MED13L: variants seen among roughly 807,000 people sequenced by gnomAD.
MED13L encodes mediator of RNA polymerase II transcription subunit 13-like.
MED13L carries 7 observed loss-of-function variants against 220.9 expected under a neutral mutation model. That is an observed-to-expected ratio of 0.03 (90% confidence interval 0.02 to 0.06). The LOEUF is 0.06. Among genes scored for constraint, MED13L ranks in the 10% least tolerant of loss-of-function variants. The probability of loss-of-function intolerance (pLI) is 1.00; values close to 1 mark genes in which losing one functional copy is unlikely to be tolerated. For missense variants in MED13L, 1,965 were observed against 2,760.5 expected, an observed-to-expected ratio of 0.71 and a Z score of 6.46; for synonymous variants, 1,011 against 1,015.2, an observed-to-expected ratio of 1.00 and a Z score of 0.08.
intron 3 of MED13L, among the ~76,000 whole-genome samples, chr12:116,103,873 T>C (rs565993624): frequency 2.6e-5 from 4 of 152,308 alleles, no homozygotes; most frequent in African/African-American, 9.6e-5. Flanking sequence ...GCTCCTGTTA[T>C]CACATTATAC....
Position 116,077,226 on chromosome 12 carries a change from T to C in MED13L, c.479+19443A>G, listed in dbSNP as rs1870873766. On this transcript the variant is annotated intron_variant, in intron 4 of 30. Coordinates refer to ENST00000281928, the MANE Select transcript of MED13L (RefSeq NM_015335.5). ...CAAGATACTAATTATAACAATGTCTTACCTCTAATGGCTTTAAATGCTTAT... is the reference window on the plus strand; with the variant it reads ...CAAGATACTAATTATAACAATGTCTCACCTCTAATGGCTTTAAATGCTTAT... Among the ~76,000 whole-genome samples, 3 of 152,242 alleles carry C rather than the reference T, an allele frequency of 2.0e-5. No homozygotes were observed. In the South Asian group the frequency reaches 6.2e-4, roughly 31 times the overall value.
At chr12:116,085,378 C>G (rs942174761) in intron 4 of MED13L, among the ~76,000 whole-genome samples, 1 of 152,068 alleles carries the variant, frequency 6.6e-6, no homozygotes, top group Non-Finnish European at 1.5e-5. Flanking sequence ...TCAAAGATCT[C>G]AACCCAATTA....
chr12:116,210,383 C>A (rs1014575656), intron 2 of MED13L, among the ~76,000 whole-genome samples: 1 of 151,712 alleles, frequency 6.6e-6, no homozygotes, highest in Admixed American at 6.6e-5. Flanking sequence ...AAATGGTATG[C>A]ATAATATTGT....
chr12:116,258,494 C>T (rs1038723911), intron 1 of MED13L, among the ~76,000 whole-genome samples: 1 of 151,980 alleles, frequency 6.6e-6, no homozygotes, highest in Non-Finnish European at 1.5e-5. Context: ...AGAAAAAGAA[C>T]GGCCGGACAC....
chr12:116,100,103 T>C (rs866652294), intron 3 of MED13L, among the ~76,000 whole-genome samples: 2 of 152,134 alleles, frequency 1.3e-5, no homozygotes, highest in African/African-American at 4.8e-5. Flanking sequence ...GGGACAGAGA[T>C]GGGAGATACA....
chr12:116,024,773 C>CGGGGGGG (rs796599611), intron 4 of MED13L, among the ~76,000 whole-genome samples: 14 of 5,056 alleles, frequency 2.8e-3, no homozygotes, highest in Non-Finnish European at 4.0e-3. Flanking sequence ...TTTGGCGGGG[C>CGGGGGGG]GGGGGGGGGG....
At chr12:116,071,753 G>A (rs1421280248) in intron 4 of MED13L, among the ~76,000 whole-genome samples, 1 of 152,136 alleles carries the variant, frequency 6.6e-6, no homozygotes, top group Non-Finnish European at 1.5e-5. Context: ...ATATGTATAT[G>A]CACCGTAACT....
chr12:115,987,575 T>C (rs1369546627), intron 17 of MED13L, among the ~76,000 whole-genome samples: 1 of 152,224 alleles, frequency 6.6e-6, no homozygotes, highest in East Asian at 1.9e-4. Flanking sequence ...GGTGCGACTT[T>C]TTAAAACCAT....
At chr12:116,210,624 T>A (rs1469327528) in intron 2 of MED13L, among the ~76,000 whole-genome samples, 1 of 145,534 alleles carries the variant, frequency 6.9e-6, no homozygotes, top group African/African-American at 2.5e-5. Context: ...TCCAACCACA[T>A]GCCTTCGGGG....
Position 116,005,835 on chromosome 12 carries a change from G to A in MED13L, c.2469+34C>T, listed in dbSNP as rs368021400. On this transcript the variant is annotated intron_variant, in intron 13 of 30. Coordinates refer to ENST00000281928, the MANE Select transcript of MED13L (RefSeq NM_015335.5). The stretch of plus-strand genomic sequence containing the variant: ...CTGATATAAAGTCCTTTCATGTAGC[G>A]AAATTTTTGTTTATGTAGCTACGGC... 1,179 of 1,612,890 alleles carry A rather than the reference G, an allele frequency of 7.3e-4. 16 individuals are homozygous for A. In the South Asian group the frequency reaches 0.011, roughly 15 times the overall value.
At chr12:116,005,828 A>G (rs771873418) in intron 13 of MED13L, 41 bp downstream of exon 13, 4 of 1,612,168 alleles carry the variant, frequency 2.5e-6, no homozygotes, top group African/African-American at 1.3e-5. Flanking sequence ...AAGTCCTTTC[A>G]TGTAGCGAAA....
At position 116,103,999 on chromosome 12, in the gene MED13L, C is replaced by CTTTTTTTTTT. The variant is rs36066243; in HGVS notation, c.396-7257_396-7248dup. Among the ~76,000 whole-genome samples the CTTTTTTTTTT allele has an allele frequency of 4.3e-3, 247 of 57,458 alleles. 24 individuals are homozygous for CTTTTTTTTTT. Among genetic ancestry groups the CTTTTTTTTTT allele is most frequent in the Non-Finnish European group, 4.3e-3 (144 of 33,472 alleles). The allele number at this position is 57,458 out of a possible 152,430, so 37.7% of individuals were successfully genotyped here. A position where few individuals can be genotyped will look rare whatever the true frequency, so the allele number is the denominator to read the frequency against. On this transcript the variant is annotated intron_variant, in intron 3 of 30. Transcript: ENST00000281928. ...CACCACCACATCCAAGGACATTGCT[C>CTTTTTTTTTT]TTTTTTTTTTTTTTTTTTTTTTTTT...
intron 2 of MED13L, chr12:116,237,038 A>C (rs1870146268): frequency 4.5e-6 from 1 of 223,532 alleles, no homozygotes; most frequent in African/African-American, 2.3e-5. Context: ...CTCAAAACTA[A>C]ATTTCTGTAT....
intron 2 of MED13L, among the ~76,000 whole-genome samples, chr12:116,226,051 AT>A (rs1327571222): frequency 1.4e-5 from 2 of 138,974 alleles, no homozygotes; most frequent in African/African-American, 5.5e-5. Context: ...TCTTTATCTA[AT>A]TTTTATCTTT....
At chr12:116,230,209 G>C (rs946382842) in intron 2 of MED13L, among the ~76,000 whole-genome samples, 7 of 151,964 alleles carry the variant, frequency 4.6e-5, no homozygotes, top group African/African-American at 2.4e-5. Flanking sequence ...TTCAAGACCA[G>C]CCTGGCCAAC....
intron 4 of MED13L, among the ~76,000 whole-genome samples, chr12:116,079,616 G>A (rs1260617281): frequency 6.6e-6 from 1 of 151,944 alleles, no homozygotes; most frequent in East Asian, 1.9e-4. Flanking sequence ...ACCGCTCATT[G>A]CAGCCTTGAC....
chr12:116,237,212 C>T (rs1012845822), intron 2 of MED13L, among the ~76,000 whole-genome samples: 9 of 152,000 alleles, frequency 5.9e-5, no homozygotes, highest in African/African-American at 1.7e-4. Context: ...CCCACCGCAC[C>T]CAGGAGACAC....
chr12:116,166,273 G>A (rs1879263980), intron 2 of MED13L, among the ~76,000 whole-genome samples: 1 of 152,154 alleles, frequency 6.6e-6, no homozygotes, highest in South Asian at 2.1e-4. Context: ...CTGTGTGGGT[G>A]TTGCCAAAAG....
chr12:116,254,634 C>G (rs904302178), intron 1 of MED13L, among the ~76,000 whole-genome samples: 2 of 151,790 alleles, frequency 1.3e-5, no homozygotes, highest in Non-Finnish European at 2.9e-5. Context: ...ACCTGTAATC[C>G]CAGCTACCAT....
Sources: gnomAD v4.1 joint callset for allele counts (sites outside exome capture counted in the v4.1 genomes callset) on GRCh38, gnomAD v4.1.1 for gene constraint, MANE v1.5 for transcripts, NCBI Gene and HGNC (gene_info 2026-07-23, HGNC 2026-07-21) for gene names.